Variants in RAB27B observed in about 807,000 individuals in gnomAD.
RAB27B encodes RAB27B, member RAS oncogene family, also known as ras-related protein Rab-27B.
Under a neutral mutation model 24.6 loss-of-function variants are expected in RAB27B, and 15 were observed. The ratio of observed to expected loss-of-function variants is 0.61; its 90% confidence interval spans 0.41 to 0.94. The LOEUF (loss-of-function observed/expected upper bound fraction) is 0.94, where lower values mean the gene tolerates loss of function less well. Ranked by LOEUF, RAB27B falls within the 40% of genes least tolerant of loss-of-function variation. The pLI is 0.00. For synonymous variants in RAB27B, 105 were observed against 92.5 expected (o/e 1.14, Z -0.78); for missense variants, 261 against 266.8 (o/e 0.98, Z 0.15).
At chr18:54,790,527 G>GA (rs1568066742) in intron 2 of RAB27B, among the ~76,000 whole-genome samples, 1 of 151,872 alleles carries the variant, frequency 6.6e-6, no homozygotes, top group Non-Finnish European at 1.5e-5. Flanking sequence ...AAAGTTTAGA[G>GA]AAAAAAATGA....
At chr18:54,841,933 A>G (rs1380027279) in intron 1 of RAB27B, among the ~76,000 whole-genome samples, 3 of 152,236 alleles carry the variant, frequency 2.0e-5, no homozygotes, top group Non-Finnish European at 4.4e-5. Context: ...TTAAGGATTT[A>G]GACAATTCAC....
chr18:54,875,268 A>C (rs1395712829), intron 1 of RAB27B, among the ~76,000 whole-genome samples: 2 of 152,186 alleles, frequency 1.3e-5, no homozygotes, highest in African/African-American at 4.8e-5. Flanking sequence ...TCGATGCTGC[A>C]GTGAGCCCTG....
chr18:54,885,545 G>A (rs1913100203), intron 4 of RAB27B, among the ~76,000 whole-genome samples: 1 of 151,990 alleles, frequency 6.6e-6, no homozygotes, highest in Admixed American at 6.6e-5. Flanking sequence ...ACAGCCCTGT[G>A]CTAGTTTCTT....
intron 1 of RAB27B, among the ~76,000 whole-genome samples, chr18:54,833,921 A>G (rs550413701): frequency 5.1e-4 from 77 of 152,346 alleles, no homozygotes; most frequent in Non-Finnish European, 4.4e-5. Flanking sequence ...GAGTCATTGC[A>G]GAAACTAGAC....
At chr18:54,832,813 T>C (rs2145186706) in intron 1 of RAB27B, among the ~76,000 whole-genome samples, 1 of 152,098 alleles carries the variant, frequency 6.6e-6, no homozygotes, top group South Asian at 2.1e-4. Context: ...GACAGAGAAG[T>C]GATGATTGCA....
In RAB27B at chr18:54,868,921, G is replaced by A. The variant is rs564367899; in HGVS notation, c.-19-8646G>A. On this transcript the variant is annotated intron_variant, in intron 1 of 5. Coordinates refer to ENST00000262094, the MANE Select transcript of RAB27B (RefSeq NM_004163.4). The stretch of plus-strand genomic sequence containing the variant: ...TAAAAATGTTTCTCAATTACTTATA[G>A]CCCATAAACACAAGCCCTTACAAAG... Among the ~76,000 whole-genome samples, 5 of 152,278 alleles carry A rather than the reference G, an allele frequency of 3.3e-5. No homozygotes were observed. The East Asian group carries it at 7.7e-4, about 23-fold the overall frequency.
intron 2 of RAB27B, among the ~76,000 whole-genome samples, chr18:54,768,126 C>T (rs1043815275): frequency 5.3e-5 from 8 of 151,888 alleles, no homozygotes; most frequent in African/African-American, 1.9e-4. Context: ...GGAGGTAAAA[C>T]TTGGGCTCGA....
chr18:54,829,405 G>A (rs558061458), intron 1 of RAB27B, among the ~76,000 whole-genome samples: 14 of 152,300 alleles, frequency 9.2e-5, no homozygotes, highest in African/African-American at 3.1e-4. Flanking sequence ...TTTGGTTAGA[G>A]CCTTCACACC....
At chr18:54,744,818 A>G in intron 2 of RAB27B, 1 of 200,136 alleles carries the variant, frequency 5.0e-6, no homozygotes. Context: ...GCAGGAACTC[A>G]CTTGGGTGGC....
intron 1 of RAB27B, among the ~76,000 whole-genome samples, chr18:54,841,534 G>A (rs922762040): frequency 1.3e-5 from 2 of 152,172 alleles, no homozygotes; most frequent in African/African-American, 4.8e-5. Flanking sequence ...AGTAGATTGA[G>A]CTGGTGAATT....
At chr18:54,796,686 A>G (rs1270761678) in intron 2 of RAB27B, among the ~76,000 whole-genome samples, 4 of 152,114 alleles carry the variant, frequency 2.6e-5, no homozygotes, top group African/African-American at 9.7e-5. Flanking sequence ...TGTGCCCGCT[A>G]AGGTCTTGGT....
chr18:54,791,831 C>T (rs1909257232), intron 2 of RAB27B, among the ~76,000 whole-genome samples: 1 of 152,202 alleles, frequency 6.6e-6, no homozygotes, highest in South Asian at 2.1e-4. Flanking sequence ...GAAGAGCACA[C>T]TGGCACATGC....
Position 54,893,918 on chromosome 18 carries a change from T to A in RAB27B, c.*4505T>A, listed in dbSNP as rs1913469561. The A allele has an allele frequency of 6.6e-6, 1 of 152,012 alleles. No individual in the cohort carries two copies. Among genetic ancestry groups the A allele is most frequent in the Non-Finnish European group, 1.5e-5 (1 of 67,932 alleles). The allele number at this position is 152,012 out of a possible 1,614,324, so 9.4% of individuals were successfully genotyped here. On this transcript the variant is annotated 3_prime_UTR_variant, in exon 6 of 6. Coordinates refer to ENST00000262094, the MANE Select transcript of RAB27B (RefSeq NM_004163.4). ...CTAGTAACAGATAGTTTTTTTTTGT[T>A]CATTTTCTTCTACCAAGTAGAGGTT...
chr18:54,723,547 A>G (rs1383638437), intron 2 of RAB27B, among the ~76,000 whole-genome samples: 1 of 152,228 alleles, frequency 6.6e-6, no homozygotes, highest in Non-Finnish European at 1.5e-5. Flanking sequence ...GAATATAAGT[A>G]GTAATATTGA....
At chr18:54,784,777 T>G (rs1254442015) in intron 2 of RAB27B, among the ~76,000 whole-genome samples, 1 of 152,236 alleles carries the variant, frequency 6.6e-6, no homozygotes, top group Non-Finnish European at 1.5e-5. Context: ...AGTGAACATA[T>G]GAATGCAGGT....
At chr18:54,820,415 C>G (rs191255375) in intron 2 of RAB27B, among the ~76,000 whole-genome samples, 1 of 152,138 alleles carries the variant, frequency 6.6e-6, no homozygotes, top group Non-Finnish European at 1.5e-5. Context: ...GCATAAATGT[C>G]TTCTTTTGAG....
chr18:54,878,415 A>G (rs1350115696), intron 2 of RAB27B, among the ~76,000 whole-genome samples: 1 of 152,194 alleles, frequency 6.6e-6, no homozygotes, highest in Non-Finnish European at 1.5e-5. Flanking sequence ...GATTGCCAAG[A>G]TGGCTGTGGC....
At chr18:54,779,666 G>C (rs938185837) in intron 2 of RAB27B, among the ~76,000 whole-genome samples, 1 of 152,124 alleles carries the variant, frequency 6.6e-6, no homozygotes, top group Non-Finnish European at 1.5e-5. Context: ...TCAGACCAGT[G>C]ATATCAGCAT....
intron 2 of RAB27B, among the ~76,000 whole-genome samples, chr18:54,766,478 T>G (rs1908366617): frequency 6.6e-6 from 1 of 150,950 alleles, no homozygotes; most frequent in South Asian, 2.1e-4. Context: ...TTTGTTTTTG[T>G]TTTTTTTTAA....
Sources: gnomAD v4.1 joint callset for allele counts (sites outside exome capture counted in the v4.1 genomes callset) on GRCh38, gnomAD v4.1.1 for gene constraint, MANE v1.5 for transcripts, NCBI Gene and HGNC (gene_info 2026-07-23, HGNC 2026-07-21) for gene names.